The following CTPS2 variants were observed in gnomAD, a reference collection of about 807,000 sequenced individuals.
CTPS2 encodes the protein CTP synthase II.
CTPS2 carries 19 observed loss-of-function variants against 46.8 expected under a neutral mutation model. That is an observed-to-expected ratio of 0.41 (90% CI 0.28 to 0.60). CTPS2 has a LOEUF of 0.60. Ranked by LOEUF, CTPS2 falls within the 20% of genes least tolerant of loss-of-function variation. The pLI, the probability that CTPS2 is intolerant of heterozygous loss-of-function variation, is 0.35. For synonymous variants in CTPS2, 151 were observed against 165.2 expected (o/e 0.91, Z 0.66); for missense variants, 286 against 447.6 (o/e 0.64, Z 3.26).
chrX:16,655,515 T>C lies in CTPS2; in HGVS notation c.1296+11999A>G, dbSNP rs1333911485. On this transcript the variant is annotated intron_variant, in intron 13 of 18. Coordinates refer to ENST00000359276, the MANE Select transcript of CTPS2 (RefSeq NM_175859.3). ...GAACTTTCTGCTACCCCTTACCAGA[T>C]AAGAGTTCAAATGTTAACGTTCAAG... Among the ~76,000 whole-genome samples the C allele has an allele frequency of 2.7e-5, 3 of 111,146 alleles. No homozygotes were observed. The East Asian group carries it at 8.5e-4, about 32-fold the overall frequency.
chrX:16,690,159 T>C (rs1923578974), intron 7 of CTPS2, among the ~76,000 whole-genome samples: 1 of 109,294 alleles, frequency 9.1e-6, no homozygotes, highest in Admixed American at 9.9e-5. Context: ...TCATCTGAGG[T>C]CAGGAGTTCA....
intron 13 of CTPS2, chrX:16,654,477 T>A (rs1198475981): frequency 3.5e-5 from 42 of 1,190,084 alleles, no homozygotes; most frequent in Non-Finnish European, 4.7e-5. Context: ...TTTTGAAGAA[T>A]TCCAAGTATT....
In CTPS2 at chrX:16,609,525, G is replaced by A; in HGVS notation, c.1691+16C>T. ...TATGCATCTTGGTTTATTGCTAAGA[G>A]CAGTAAGCTGGTTACCTGGAAGACA... On this transcript the variant is annotated intron_variant, in intron 17 of 18. Coordinates refer to ENST00000359276, the MANE Select transcript of CTPS2 (RefSeq NM_175859.3). The A allele has an allele frequency of 8.3e-7, 1 of 1,208,448 alleles. No homozygotes were observed. Among genetic ancestry groups the A allele is most frequent in the Non-Finnish European group, 1.1e-6 (1 of 892,732 alleles).
chrX:16,591,961 TTCA>T (rs1425023508), intron 17 of CTPS2, among the ~76,000 whole-genome samples: 1 of 112,273 alleles, frequency 8.9e-6, no homozygotes, highest in Admixed American at 9.4e-5. Flanking sequence ...CTCTCTACTC[TTCA>T]TCAGGTCTGT....
chrX:16,675,312 A>G (rs1462866148), intron 10 of CTPS2, among the ~76,000 whole-genome samples: 1 of 110,612 alleles, frequency 9.0e-6, no homozygotes, highest in East Asian at 2.8e-4. Context: ...GAAGGTTTGT[A>G]AAAATCTTAC....
Position 16,678,412 on chromosome X carries a change from G to A in CTPS2, c.1044C>T (p.Thr348=), listed in dbSNP as rs746409145. 56 of 1,201,430 alleles carry A rather than the reference G, an allele frequency of 4.7e-5. No homozygotes were observed. The East Asian group carries it at 6.5e-4, about 14-fold the overall frequency. ...DSIDLEKITE[T]EDPVKFHEAW... The stretch of plus-strand genomic sequence containing the variant: ...CTTCATGAAATTTCACAGGGTCCTC[G>A]GTTTCAGTGATCTTCTCCAGATCAA... The change falls in exon 10 of 19, where the codon ACC becomes ACT. Residue 348 remains threonine (T), a synonymous_variant. Transcript: ENST00000359276.
chrX:16,649,984 C>T (rs1445350408), intron 13 of CTPS2, among the ~76,000 whole-genome samples: 2 of 111,655 alleles, frequency 1.8e-5, no homozygotes, highest in South Asian at 7.4e-4. Context: ...AAGCAACTGT[C>T]GAGATGGACC....
intron 16 of CTPS2, among the ~76,000 whole-genome samples, chrX:16,611,165 C>T (rs749039804): frequency 2.7e-5 from 3 of 111,858 alleles, no homozygotes; most frequent in South Asian, 3.7e-4. Context: ...CAAATCTGCA[C>T]GTGGGCCAAG....
At chrX:16,642,414 T>C (rs1932123818) in intron 13 of CTPS2, among the ~76,000 whole-genome samples, 1 of 111,512 alleles carries the variant, frequency 9.0e-6, no homozygotes, top group Non-Finnish European at 1.9e-5. Flanking sequence ...AGGGAGAGAA[T>C]TGACAGGCAA....
chrX:16,635,256 A>G (rs1315785659), intron 14 of CTPS2, among the ~76,000 whole-genome samples: 1 of 112,473 alleles, frequency 8.9e-6, no homozygotes, highest in Non-Finnish European at 1.9e-5. Flanking sequence ...AGTCTACAAA[A>G]GAAATATGCC....
chrX:16,589,914 G>T (rs1300024047), intron 18 of CTPS2, 139 bp from the exon 19 acceptor site: 6 of 112,569 alleles, frequency 5.3e-5, no homozygotes, highest in Non-Finnish European at 1.1e-4. Flanking sequence ...AATAGACACA[G>T]CTTTGCATCT....
chrX:16,601,186 G>T (rs1222526296), intron 17 of CTPS2, among the ~76,000 whole-genome samples: 1 of 111,409 alleles, frequency 9.0e-6, no homozygotes, highest in Non-Finnish European at 1.9e-5. Context: ...AGCAGTGCTG[G>T]AAACAGAATG....
chrX:16,622,933 T>C (rs1930918898), intron 14 of CTPS2, among the ~76,000 whole-genome samples: 2 of 111,705 alleles, frequency 1.8e-5, no homozygotes. Flanking sequence ...TCCTACTTCA[T>C]AGAGTTGTAA....
At chrX:16,647,235 T>C (rs1404645307) in intron 13 of CTPS2, among the ~76,000 whole-genome samples, 8 of 103,552 alleles carry the variant, frequency 7.7e-5, no homozygotes, top group African/African-American at 2.8e-4. Flanking sequence ...ATTCTGACAA[T>C]AGGCAGCATT....
intron 17 of CTPS2, among the ~76,000 whole-genome samples, chrX:16,597,039 T>C (rs1313958128): frequency 9.2e-6 from 1 of 108,215 alleles, no homozygotes; most frequent in Non-Finnish European, 1.9e-5. Context: ...TTTGATGGGG[T>C]TGTTTGTTTT....
At chrX:16,650,578 A>G (rs1220739239) in intron 13 of CTPS2, among the ~76,000 whole-genome samples, 2 of 92,550 alleles carry the variant, frequency 2.2e-5, no homozygotes, top group African/African-American at 4.4e-5. Context: ...GTGCAGTGGC[A>G]TCGCACTCAC....
At chrX:16,643,273 C>A (rs1189190528) in intron 13 of CTPS2, among the ~76,000 whole-genome samples, 1 of 112,186 alleles carries the variant, frequency 8.9e-6, no homozygotes, top group Non-Finnish European at 1.9e-5. Flanking sequence ...TGTTCCTCAT[C>A]GTTGAATATT....
intron 14 of CTPS2, among the ~76,000 whole-genome samples, chrX:16,637,589 C>A (rs1355458759): frequency 2.7e-5 from 3 of 112,417 alleles, no homozygotes; most frequent in Non-Finnish European, 5.6e-5. Context: ...AAACTTAGTA[C>A]AATTATCACT....
chrX:16,606,450 ACT>A (rs781732558), intron 17 of CTPS2, among the ~76,000 whole-genome samples: 9 of 110,415 alleles, frequency 8.2e-5, no homozygotes, highest in Middle Eastern at 4.7e-3. Flanking sequence ...CTGTCAGAAA[ACT>A]CTCTGAAATG....
Sources: allele counts gnomAD v4.1 joint callset (sites outside exome capture counted in the v4.1 genomes callset), GRCh38; gene constraint gnomAD v4.1.1; transcripts MANE v1.5; gene names NCBI Gene and HGNC (gene_info 2026-07-23, HGNC 2026-07-21).